COL24A1: variants seen among roughly 807,000 people sequenced by gnomAD.
COL24A1 encodes collagen type XXIV alpha 1 chain.
Under a neutral mutation model 253.9 loss-of-function variants are expected in COL24A1, and 224 were observed. The observed-to-expected ratio is 0.88, with a 90% CI of 0.79 to 0.99. COL24A1 has a LOEUF of 0.99. Among genes scored for constraint, COL24A1 ranks in the 50% least tolerant of loss-of-function variants. The pLI, the probability that COL24A1 is intolerant of heterozygous loss-of-function variation, is 0.00. For synonymous variants in COL24A1, 685 were observed against 673.7 expected (o/e 1.02, Z -0.26); for missense variants, 2,131 against 2,068.5 (o/e 1.03, Z -0.59).
At chr1:86,144,065 A>T (rs1651526264) in intron 2 of COL24A1, among the ~76,000 whole-genome samples, 1 of 152,036 alleles carries the variant, frequency 6.6e-6, no homozygotes, top group Non-Finnish European at 1.5e-5. Flanking sequence ...TGCTATTTCC[A>T]TTTCTTTTTT....
At chr1:85,737,250 C>A in intron 58 of COL24A1, 146 bp downstream of exon 58, 1 of 492,984 alleles carries the variant, frequency 2.0e-6, no homozygotes, top group South Asian at 4.5e-5. Flanking sequence ...TAAAAAATAA[C>A]ATATTTATTT....
intron 12 of COL24A1, among the ~76,000 whole-genome samples, chr1:86,043,817 T>A (rs1699689881): frequency 6.6e-6 from 1 of 152,194 alleles, no homozygotes; most frequent in Admixed American, 6.5e-5. Flanking sequence ...TGAGCCACCA[T>A]GCCCGGCTCA....
intron 24 of COL24A1, among the ~76,000 whole-genome samples, chr1:85,950,918 C>T (rs1352842896): frequency 1.3e-5 from 2 of 152,160 alleles, no homozygotes; most frequent in African/African-American, 4.8e-5. Context: ...ACTCATTGTG[C>T]CTTACCTACC....
intron 47 of COL24A1, among the ~76,000 whole-genome samples, chr1:85,794,736 A>T (rs1393105450): frequency 2.2e-4 from 34 of 152,056 alleles, no homozygotes; most frequent in Non-Finnish European, 1.6e-4. Flanking sequence ...ATGTTAAATC[A>T]TTCTGGGTAA....
intron 3 of COL24A1, among the ~76,000 whole-genome samples, chr1:86,120,501 C>A (rs188109897): frequency 7.7e-4 from 117 of 152,332 alleles, no homozygotes; most frequent in African/African-American, 2.7e-3. Context: ...AGACACTTCT[C>A]AAAAGAAGAC....
chr1:86,131,878 G>T (rs1214588773), intron 2 of COL24A1, among the ~76,000 whole-genome samples: 2 of 152,186 alleles, frequency 1.3e-5, no homozygotes, highest in Non-Finnish European at 2.9e-5. Flanking sequence ...TATATACCCA[G>T]TAATGGGATG....
intron 37 of COL24A1, among the ~76,000 whole-genome samples, chr1:85,851,142 C>G (rs781327355): frequency 8.6e-5 from 13 of 151,756 alleles, no homozygotes; most frequent in Non-Finnish European, 1.6e-4. Flanking sequence ...CTACACATTT[C>G]TTAATAATTT....
chr1:86,114,073 A>G (rs1705887576), intron 4 of COL24A1, among the ~76,000 whole-genome samples: 1 of 152,098 alleles, frequency 6.6e-6, no homozygotes, highest in Non-Finnish European at 1.5e-5. Context: ...AAAAATTAAT[A>G]TCAATGAAAG....
At chr1:85,987,517 C>T (rs1693828208) in intron 20 of COL24A1, 84 bp downstream of exon 20, 1 of 1,169,398 alleles carries the variant, frequency 8.6e-7, no homozygotes, top group African/African-American at 1.5e-5. Context: ...TTCTGATATT[C>T]CTAAAATATT....
intron 49 of COL24A1, 28 bp downstream of exon 49, chr1:85,784,231 C>G: frequency 6.2e-7 from 1 of 1,610,850 alleles, no homozygotes; most frequent in Non-Finnish European, 8.5e-7. Context: ...AGAATAAATG[C>G]TTGGTGAATT....
intron 31 of COL24A1, among the ~76,000 whole-genome samples, chr1:85,892,828 T>C (rs1288125160): frequency 6.6e-6 from 1 of 152,026 alleles, no homozygotes; most frequent in African/African-American, 2.4e-5. Flanking sequence ...TGCTGTCCCT[T>C]GACCTAGAAT....
intron 11 of COL24A1, among the ~76,000 whole-genome samples, chr1:86,049,084 G>A (rs780907522): frequency 6.6e-6 from 1 of 152,142 alleles, no homozygotes; most frequent in South Asian, 2.1e-4. Flanking sequence ...TACATCCTCC[G>A]TTAGTTTGCT....
At chr1:85,982,301 T>C (rs929488554) in intron 20 of COL24A1, among the ~76,000 whole-genome samples, 9 of 152,106 alleles carry the variant, frequency 5.9e-5, no homozygotes, top group African/African-American at 1.7e-4. Context: ...TCAATAAATA[T>C]AGAATTTCAG....
chr1:85,759,238 A>G (rs918932016), intron 55 of COL24A1, among the ~76,000 whole-genome samples: 6 of 152,210 alleles, frequency 3.9e-5, no homozygotes, highest in African/African-American at 7.2e-5. Flanking sequence ...GTATTCATGC[A>G]AGCATGCACT....
chr1:86,090,282 T>G (rs2101965831), intron 6 of COL24A1, among the ~76,000 whole-genome samples: 2 of 152,290 alleles, frequency 1.3e-5, no homozygotes, highest in South Asian at 4.1e-4. Context: ...CTCAGATTCC[T>G]CCTCTGGAAA....
At chr1:86,033,645 A>T (rs1276850342) in intron 13 of COL24A1, among the ~76,000 whole-genome samples, 1 of 143,822 alleles carries the variant, frequency 7.0e-6, no homozygotes, top group Non-Finnish European at 1.6e-5. Context: ...TATACTTAAC[A>T]TCATCAAAAT....
chr1:85,868,756 T>C (rs1266892749), intron 36 of COL24A1, 26 bp downstream of exon 36: 4 of 1,458,756 alleles, frequency 2.7e-6, no homozygotes, highest in East Asian at 2.4e-5. Flanking sequence ...ATCTATTTTA[T>C]ATATAATCTT....
At chr1:85,848,553 G>A (rs140266321) in intron 38 of COL24A1, among the ~76,000 whole-genome samples, 3,098 of 152,100 alleles carry the variant, frequency 0.02, 95 homozygotes, top group African/African-American at 0.07. Context: ...CAAGCGATCC[G>A]CCCACCTCGG....
At chr1:85,888,447 T>A (rs193272278) in intron 32 of COL24A1, among the ~76,000 whole-genome samples, 1 of 152,054 alleles carries the variant, frequency 6.6e-6, no homozygotes, top group Non-Finnish European at 1.5e-5. Context: ...TACTTATATA[T>A]ACCAGACATT....
Sources: gnomAD v4.1 joint callset for allele counts (sites outside exome capture counted in the v4.1 genomes callset) on GRCh38, gnomAD v4.1.1 for gene constraint, MANE v1.5 for transcripts, NCBI Gene and HGNC (gene_info 2026-07-23, HGNC 2026-07-21) for gene names.